PIK3C2B: variants seen among roughly 807,000 people sequenced by gnomAD.
The protein encoded by PIK3C2B is phosphatidylinositol 4-phosphate 3-kinase C2 domain-containing subunit beta.
In PIK3C2B, 83 loss-of-function variants were observed where a neutral mutation model predicts 184.3. The ratio of observed to expected loss-of-function variants is 0.45; its 90% CI spans 0.38 to 0.54. The LOEUF is 0.54. PIK3C2B is among the 20% of genes least tolerant of loss of function. The probability of loss-of-function intolerance (pLI) is 0.00; values close to 1 mark genes in which losing one functional copy is unlikely to be tolerated. For synonymous variants in PIK3C2B, 779 were observed against 837.6 expected (o/e 0.93, Z 1.21); for missense variants, 1,736 against 2,113.5 (o/e 0.82, Z 3.50).
chr1:204,463,605 G>C (rs964207464), intron 5 of PIK3C2B, among the ~76,000 whole-genome samples: 2 of 152,136 alleles, frequency 1.3e-5, no homozygotes, highest in African/African-American at 4.8e-5. Flanking sequence ...GGCTCCACAA[G>C]GGAACTTCTG....
At chr1:204,426,147 G>A (rs1240613336) in intron 31 of PIK3C2B, among the ~76,000 whole-genome samples, 1 of 152,184 alleles carries the variant, frequency 6.6e-6, no homozygotes, top group East Asian at 1.9e-4. Context: ...CTTGCTCAAG[G>A]GCAGCCAACT....
rs1384097347 is a variant in PIK3C2B, at chr1:204,446,048, G to C, written c.2586C>G (p.Ser862Arg). Reference protein sequence around the residue: ...SLPLVLASAPSWEWACLPDIY... With the variant: ...SLPLVLASAPRWEWACLPDIY... ...TGTCAGGCAGGCAAGCCCACTCCCA[G>C]CTGGGGGCGCTGGCGAGCACCAGGG... The change falls in exon 16 of 33, where the codon AGC becomes AGG. Residue 862 changes from serine to arginine, a missense_variant. Ser to Arg is a moderately radical substitution (Grantham distance 110). Coordinates refer to ENST00000684373, the MANE Select transcript of PIK3C2B (RefSeq NM_001377334.1). 4 of 1,602,936 alleles carry C rather than the reference G, an allele frequency of 2.5e-6. No individual in the cohort carries two copies. Among genetic ancestry groups the C allele is most frequent in the African/African-American group, 2.7e-5 (2 of 74,772 alleles).
chr1:204,445,862 T>A (rs1057242400), intron 16 of PIK3C2B, 94 bp downstream of exon 16: 2 of 804,612 alleles, frequency 2.5e-6, no homozygotes, highest in Non-Finnish European at 3.6e-6. Context: ...ACTTTACCAT[T>A]TTCCCCAGGG....
chr1:204,432,380 G>T lies in PIK3C2B; in HGVS notation c.3975C>A (p.Gly1325=). ...AAAAATTGAGCTTTGTGGCTACACT[G>T]CCCAGGCTGGACTCAATCAACCTGG... The part of the protein sequence containing the change: ...YFTRLIESSL[G]SVATKLNFFI... Residue 1325 remains glycine (G), a synonymous_variant, in exon 27 of 33, where the codon GGC becomes GGA. Transcript: ENST00000684373. 1 of 1,614,056 alleles carries T rather than the reference G, an allele frequency of 6.2e-7. No individual in the cohort carries two copies. The highest frequency in any genetic ancestry group is 8.5e-7 in the Non-Finnish European group (1 of 1,179,990).
intron 1 of PIK3C2B, among the ~76,000 whole-genome samples, chr1:204,476,114 G>A (rs545080421): frequency 8.5e-4 from 129 of 152,272 alleles, no homozygotes; most frequent in Non-Finnish European, 1.6e-3. Context: ...CAGTCCCAGC[G>A]ACCTTGAAAC....
intron 31 of PIK3C2B, among the ~76,000 whole-genome samples, chr1:204,427,169 T>C (rs1674791028): frequency 6.6e-6 from 1 of 151,972 alleles, no homozygotes; most frequent in African/African-American, 2.4e-5. Flanking sequence ...CCTCTTCTAG[T>C]CACAATGTTC....
intron 11 of PIK3C2B, among the ~76,000 whole-genome samples, chr1:204,455,583 T>C (rs1654781396): frequency 6.6e-6 from 1 of 152,050 alleles, no homozygotes; most frequent in Admixed American, 6.5e-5. Flanking sequence ...GTCTTGGATC[T>C]GGAGGGGGCA....
intron 1 of PIK3C2B, among the ~76,000 whole-genome samples, chr1:204,473,275 A>G (rs2103520844): frequency 6.6e-6 from 1 of 152,362 alleles, no homozygotes; most frequent in East Asian, 1.9e-4. Flanking sequence ...TCTGACAACT[A>G]TTGCACTTAG....
chr1:204,460,673 G>T lies in PIK3C2B; in HGVS notation c.1311-12C>A. 6.5e-7 allele frequency: 1 copy of T among 1,548,718 alleles called. No individual in the cohort carries two copies. The highest frequency in any genetic ancestry group is 8.9e-7 in the Non-Finnish European group (1 of 1,120,242). On this transcript the variant is annotated splice_polypyrimidine_tract_variant and intron_variant, in intron 5 of 32. Transcript: ENST00000684373. ...CCAAGGCATGCTTGCTGGTAGGGTAGAGGGACAAGACCATTAGCATCCTGG... is the reference window on the plus strand; with the variant it reads ...CCAAGGCATGCTTGCTGGTAGGGTATAGGGACAAGACCATTAGCATCCTGG...
At chr1:204,425,521 A>C (rs1458769167) in intron 32 of PIK3C2B, 92 bp downstream of exon 32, 2 of 1,385,106 alleles carry the variant, frequency 1.4e-6, no homozygotes, top group African/African-American at 2.8e-5. Context: ...TTCTTAATAC[A>C]ACATCTTAAT....
At chr1:204,467,261 C>G (rs548733542) in intron 2 of PIK3C2B, 1 of 244,832 alleles carries the variant, frequency 4.1e-6, no homozygotes, top group Non-Finnish European at 8.2e-6. Flanking sequence ...GAGCTGGGAA[C>G]AGGAATCTCC....
At chr1:204,480,802 G>A (rs1350510460) in intron 1 of PIK3C2B, among the ~76,000 whole-genome samples, 2 of 151,982 alleles carry the variant, frequency 1.3e-5, no homozygotes, top group African/African-American at 4.8e-5. Context: ...GCGCCGACCA[G>A]CCCCCGCGCC....
intron 12 of PIK3C2B, among the ~76,000 whole-genome samples, chr1:204,454,045 G>T (rs1164109358): frequency 2.0e-5 from 3 of 151,862 alleles, no homozygotes; most frequent in African/African-American, 7.3e-5. Context: ...AAAGCGCTGG[G>T]ATTACAAGCG....
intron 1 of PIK3C2B, among the ~76,000 whole-genome samples, chr1:204,483,239 T>C (rs566062055): frequency 1.9e-4 from 29 of 152,052 alleles, no homozygotes; most frequent in Non-Finnish European, 2.8e-4. Flanking sequence ...CTGGGAAACA[T>C]AGACTCCATC....
In PIK3C2B at chr1:204,440,174, C is replaced by T. The variant is rs1221468401; in HGVS notation, c.3379+18G>A. ...AAAGCGGTCCCCTCCTCCACCCTCA[C>T]CCCTACTCCCAACTGACCTCTGCCC... On this transcript the variant is annotated intron_variant, in intron 22 of 32. Coordinates refer to ENST00000684373, the MANE Select transcript of PIK3C2B (RefSeq NM_001377334.1). 1.9e-6 allele frequency: 3 copies of T among 1,609,124 alleles called. No individual in the cohort carries two copies. The highest frequency in any genetic ancestry group is 2.2e-5 in the South Asian group (2 of 90,824).
chr1:204,473,944 T>G (rs961503102), intron 1 of PIK3C2B, among the ~76,000 whole-genome samples: 1 of 151,104 alleles, frequency 6.6e-6, no homozygotes, highest in Non-Finnish European at 1.5e-5. Context: ...TCACCTAATC[T>G]TAACAAGAAA....
rs145406361 is a variant in PIK3C2B at position 204,457,039 on chromosome 1, C to A, written c.1745G>T (p.Arg582Leu). Residue 582 changes from arginine (R) to leucine (L), a missense_variant and splice_region_variant, in exon 10 of 33, where the codon CGA (arginine) becomes CTA (leucine). By Grantham distance (102) the Arg-to-Leu change is moderately radical. This residue lies in a region of PIK3C2B where 609 missense variants were observed against 699.2 expected (regional missense o/e 0.87). Coordinates refer to ENST00000684373, the MANE Select transcript of PIK3C2B (RefSeq NM_001377334.1). ...AAGATGGAGAGCAGTTCCCTTACCTCGGTTTTCCCTCACAGCCAAGACACT... is the reference window on the plus strand; with the variant it reads ...AAGATGGAGAGCAGTTCCCTTACCTAGGTTTTCCCTCACAGCCAAGACACT... ...DPSVLAVREN[R>L]EKVVEALTAA... 3 of 1,566,934 alleles carry A rather than the reference C, an allele frequency of 1.9e-6. No individual in the cohort carries two copies. The Admixed American group carries it at 5.6e-5, about 29-fold the overall frequency.
chr1:204,425,598 A>G lies in PIK3C2B; in HGVS notation c.4716+15T>C, dbSNP rs751429716. On this transcript the variant is annotated intron_variant, in intron 32 of 32. Transcript: ENST00000684373. ...TTGCCAACCCCTGCCCTACCCCACC[A>G]TTTTCCCCACCCACCATCTCATTGT... 6.2e-7 allele frequency: 1 copy of G among 1,613,094 alleles called. No individual in the cohort carries two copies. Among genetic ancestry groups the G allele is most frequent in the Non-Finnish European group, 8.5e-7 (1 of 1,179,686 alleles).
intron 1 of PIK3C2B, among the ~76,000 whole-genome samples, chr1:204,484,629 G>T (rs1657445169): frequency 6.6e-6 from 1 of 152,118 alleles, no homozygotes; most frequent in African/African-American, 2.4e-5. Context: ...AGCTATTTGG[G>T]AGGCTGAGGC....
Sources: allele counts gnomAD v4.1 joint callset (sites outside exome capture counted in the v4.1 genomes callset), GRCh38; gene constraint gnomAD v4.1.1; regional missense constraint gnomAD v4.1.1; transcripts MANE v1.5; gene names NCBI Gene and HGNC (gene_info 2026-07-23, HGNC 2026-07-21).